Variants in SPATA31H1 observed in about 807,000 individuals in gnomAD.
The protein encoded by SPATA31H1 is spermatogenesis-associated protein 31H1.
chr2:27,558,986 T>G, the SPATA31H1 span, among the ~76,000 whole-genome samples: 1 of 151,992 alleles, frequency 6.6e-6, no homozygotes, highest in Non-Finnish European at 1.5e-5. Flanking sequence ...TATTTTAAAA[T>G]CCATGTTTTA....
At chr2:27,552,003 A>T in the SPATA31H1 span, among the ~76,000 whole-genome samples, 1 of 151,882 alleles carries the variant, frequency 6.6e-6, no homozygotes, top group East Asian at 1.9e-4. Flanking sequence ...TTTAGTAGAG[A>T]CGAGGTTTCA....
the SPATA31H1 span, among the ~76,000 whole-genome samples, chr2:27,546,313 C>G: frequency 6.6e-6 from 1 of 151,864 alleles, no homozygotes; most frequent in Admixed American, 6.5e-5. Context: ...TCTTCTAGAA[C>G]CCTTATTTTT....
At chr2:27,547,979 CTT>C in the SPATA31H1 span, among the ~76,000 whole-genome samples, 9 of 113,240 alleles carry the variant, frequency 7.9e-5, no homozygotes, top group Non-Finnish European at 1.0e-4. Flanking sequence ...ATAGTAATTT[CTT>C]TTTTTTTTTT....
the SPATA31H1 span, among the ~76,000 whole-genome samples, chr2:27,542,346 G>A: frequency 3.3e-5 from 5 of 151,640 alleles, no homozygotes; most frequent in Admixed American, 6.6e-5. Context: ...GCAGTGAGCC[G>A]AGATCATACC....
the SPATA31H1 span, chr2:27,571,315 C>T: frequency 2.5e-6 from 1 of 398,226 alleles, no homozygotes; most frequent in Admixed American, 4.4e-5. Flanking sequence ...ACCTTAACTC[C>T]AGGACCATGC....
At chr2:27,538,689 G>A in the SPATA31H1 span, among the ~76,000 whole-genome samples, 2 of 152,048 alleles carry the variant, frequency 1.3e-5, no homozygotes, top group Non-Finnish European at 2.9e-5. Flanking sequence ...AAATTAGCCA[G>A]GCGTGGTGGC....
the SPATA31H1 span, among the ~76,000 whole-genome samples, chr2:27,542,963 G>T: frequency 6.6e-6 from 1 of 151,846 alleles, no homozygotes; most frequent in Non-Finnish European, 1.5e-5. Context: ...TGTAGTCCCA[G>T]CTACTAGGGA....
At chr2:27,541,390 A>G in the SPATA31H1 span, among the ~76,000 whole-genome samples, 1 of 151,284 alleles carries the variant, frequency 6.6e-6, no homozygotes, top group South Asian at 2.1e-4. Flanking sequence ...CCGTGGAAGG[A>G]GACCGTGGGA....
At chr2:27,571,744 G>C in the SPATA31H1 span, 1 of 398,282 alleles carries the variant, frequency 2.5e-6, no homozygotes, top group Non-Finnish European at 4.4e-6. Context: ...TTAAAGCTTC[G>C]AAGTTTAAAA....
the SPATA31H1 span, chr2:27,582,566 C>A: frequency 6.5e-7 from 1 of 1,530,886 alleles, no homozygotes; most frequent in Non-Finnish European, 8.8e-7. Context: ...CCTAAGTCTT[C>A]ATCGTGCTGC....
chr2:27,554,484 G>A, the SPATA31H1 span, among the ~76,000 whole-genome samples: 2 of 152,026 alleles, frequency 1.3e-5, no homozygotes, highest in Non-Finnish European at 1.5e-5. Flanking sequence ...TCAGATTCTG[G>A]TGAGGTACTT....
At chr2:27,543,007 G>A in the SPATA31H1 span, among the ~76,000 whole-genome samples, 1 of 151,892 alleles carries the variant, frequency 6.6e-6, no homozygotes, top group African/African-American at 2.4e-5. Context: ...CAGGCTCAGT[G>A]GCTTGAACCT....
chr2:27,553,343 C>T, the SPATA31H1 span, among the ~76,000 whole-genome samples: 23 of 152,134 alleles, frequency 1.5e-4, no homozygotes, highest in Non-Finnish European at 2.2e-4. Flanking sequence ...TCTCTCATTC[C>T]CTCCCATCTC....
chr2:27,542,232 A>C, the SPATA31H1 span, among the ~76,000 whole-genome samples: 1 of 151,858 alleles, frequency 6.6e-6, no homozygotes, highest in African/African-American at 2.4e-5. Flanking sequence ...CCCCATCTCT[A>C]CTAAAAATAC....
At chr2:27,566,016 C>T in the SPATA31H1 span, 2 of 717,368 alleles carry the variant, frequency 2.8e-6, no homozygotes, top group Non-Finnish European at 5.2e-6. Context: ...AGTCATGAGG[C>T]TGACAGATTC....
At chr2:27,568,277 A>G in the SPATA31H1 span, 1 of 398,906 alleles carries the variant, frequency 2.5e-6, no homozygotes, top group Non-Finnish European at 4.4e-6. Context: ...ATCTAAGGCC[A>G]CAACATGCAG....
At chr2:27,540,008 G>A in the SPATA31H1 span, among the ~76,000 whole-genome samples, 8 of 131,762 alleles carry the variant, frequency 6.1e-5, no homozygotes, top group African/African-American at 2.0e-4. Flanking sequence ...GGCTGGCCGG[G>A]CGGGGGGCTG....
the SPATA31H1 span, among the ~76,000 whole-genome samples, chr2:27,555,768 C>T: frequency 1.1e-4 from 16 of 152,038 alleles, no homozygotes; most frequent in Non-Finnish European, 2.1e-4. Context: ...TCCAATATTT[C>T]TAAAAGATAT....
chr2:27,549,831 T>A, the SPATA31H1 span, among the ~76,000 whole-genome samples: 1 of 151,640 alleles, frequency 6.6e-6, no homozygotes, highest in Non-Finnish European at 1.5e-5. Context: ...TAAATAAAAT[T>A]TCTTTTGTGG....
Sources: gnomAD v4.1 joint callset for allele counts (sites outside exome capture counted in the v4.1 genomes callset) on GRCh38, gnomAD v4.1.1 for gene constraint, MANE v1.5 for transcripts, NCBI Gene and HGNC (gene_info 2026-07-23, HGNC 2026-07-21) for gene names.